FAM24B: variants seen among roughly 807,000 people sequenced by gnomAD.
The protein encoded by FAM24B is protein FAM24B.
FAM24B carries 3 observed loss-of-function variants against 2.3 expected under a neutral mutation model. That is an observed-to-expected ratio of 1.29 (90% CI 0.59 to 3.32). The LOEUF (loss-of-function observed/expected upper bound fraction) is 3.32. Among genes scored for constraint, FAM24B ranks in the 30% most tolerant of loss-of-function variants. The pLI, the probability that FAM24B is intolerant of heterozygous loss-of-function variation, is 0.03. For synonymous variants in FAM24B, 36 were observed against 46.3 expected, an observed-to-expected ratio of 0.78 and a Z score of 0.90; for missense variants, 98 against 117.2, an observed-to-expected ratio of 0.84 and a Z score of 0.76.
At chr10:122,878,781 T>A (rs779322960) in intron 1 of FAM24B, among the ~76,000 whole-genome samples, 1 of 150,878 alleles carries the variant, frequency 6.6e-6, no homozygotes, top group South Asian at 2.1e-4. Context: ...TGGGTGATAA[T>A]ACTGAACATA....
intron 1 of FAM24B, among the ~76,000 whole-genome samples, chr10:122,869,572 A>G (rs570896764): frequency 2.5e-4 from 38 of 152,326 alleles, no homozygotes; most frequent in African/African-American, 8.9e-4. Context: ...AACAGAAATT[A>G]TAACAAACTG....
intron 2 of FAM24B, among the ~76,000 whole-genome samples, chr10:122,851,355 C>A (rs1157427518): frequency 1.3e-5 from 2 of 152,338 alleles, no homozygotes; most frequent in African/African-American, 4.8e-5. Flanking sequence ...AAAGAAAATT[C>A]TAATGATTAA....
chr10:122,871,145 GACAA>G (rs1428822575), intron 1 of FAM24B, among the ~76,000 whole-genome samples: 1 of 151,802 alleles, frequency 6.6e-6, no homozygotes, highest in Non-Finnish European at 1.5e-5. Context: ...ACCAACAACA[GACAA>G]ACAGAGAGCC....
intron 1 of FAM24B, among the ~76,000 whole-genome samples, 180 bp from the exon 2 acceptor site, chr10:122,855,966 C>T (rs966745140): frequency 1.3e-5 from 2 of 152,248 alleles, no homozygotes; most frequent in Non-Finnish European, 2.9e-5. Context: ...GCAGCGCTGA[C>T]GCACAGAGCC....
At chr10:122,857,645 T>C (rs1286438444) in intron 1 of FAM24B, among the ~76,000 whole-genome samples, 1 of 152,224 alleles carries the variant, frequency 6.6e-6, no homozygotes, top group African/African-American at 2.4e-5. Flanking sequence ...TGTGTATTTA[T>C]GGTACTTATG....
intron 2 of FAM24B, 190 bp from the exon 3 acceptor site, chr10:122,850,740 A>G (rs1847520026): frequency 2.0e-6 from 1 of 492,510 alleles, no homozygotes; most frequent in Admixed American, 3.3e-5. Flanking sequence ...AAAGAAATAA[A>G]AAAAGTCAGT....
At chr10:122,858,800 T>G (rs1847681880) in intron 1 of FAM24B, among the ~76,000 whole-genome samples, 1 of 152,082 alleles carries the variant, frequency 6.6e-6, no homozygotes, top group Admixed American at 6.6e-5. Context: ...AAGTACCCCT[T>G]GGGCTGGTGC....
chr10:122,866,283 T>C (rs1025227887), intron 1 of FAM24B, among the ~76,000 whole-genome samples: 4 of 152,142 alleles, frequency 2.6e-5, no homozygotes, highest in Non-Finnish European at 5.9e-5. Flanking sequence ...TTGTGTCTTT[T>C]TTAGTCTGAC....
chr10:122,869,100 A>C (rs1344690398), intron 1 of FAM24B, among the ~76,000 whole-genome samples: 3 of 152,232 alleles, frequency 2.0e-5, no homozygotes, highest in Non-Finnish European at 2.9e-5. Flanking sequence ...TCTACCAAGC[A>C]AATGGAAAAC....
chr10:122,870,402 T>C lies in FAM24B; in HGVS notation c.-178+9083A>G, dbSNP rs371077853. Among the ~76,000 whole-genome samples the C allele has an allele frequency of 2.3e-4, 35 of 152,122 alleles. 1 individual carries two copies. The highest frequency in any genetic ancestry group is 1.4e-3 in the East Asian group (7 of 5,180). Reference sequence around the variant, plus strand: ...TTCCTTCTGAAACTATTCCAATCAATAGAAAAAGAGGGAATCCTCCCTAAC... The same window carrying C: ...TTCCTTCTGAAACTATTCCAATCAACAGAAAAAGAGGGAATCCTCCCTAAC... On this transcript the variant is annotated intron_variant, in intron 1 of 3. Coordinates refer to ENST00000368898, the MANE Select transcript of FAM24B (RefSeq NM_152644.3).
rs760832763 is a variant in FAM24B, at chr10:122,850,489, C to T, written c.27G>A (p.Leu9=). 10 of 1,613,844 alleles carry T rather than the reference C, an allele frequency of 6.2e-6. No individual in the cohort carries two copies. The South Asian group carries it at 1.1e-4, about 18-fold the overall frequency. MPVIAGGI[L]AALLLLIVVV... The stretch of plus-strand genomic sequence containing the variant: ...CAACTATCAGCAGGAGCAAGGCCGC[C>T]AGGATACCACCAGCGATGACAGGCA... Residue 9 remains leucine (L), a synonymous_variant, in exon 3 of 4, where the codon CTG becomes CTA. Coordinates refer to ENST00000368898, the MANE Select transcript of FAM24B (RefSeq NM_152644.3).
intron 1 of FAM24B, among the ~76,000 whole-genome samples, chr10:122,877,665 G>C (rs1232575077): frequency 6.6e-6 from 1 of 152,164 alleles, no homozygotes; most frequent in East Asian, 1.9e-4. Flanking sequence ...GTTGAGTTTG[G>C]GGGAAGGCCT....
intron 1 of FAM24B, among the ~76,000 whole-genome samples, chr10:122,868,515 G>A (rs1211152966): frequency 5.3e-5 from 8 of 151,196 alleles, no homozygotes; most frequent in Admixed American, 4.0e-4. Context: ...AGGAAAAAAT[G>A]TTAAGGGCAG....
chr10:122,862,744 G>A (rs1160134227), intron 1 of FAM24B, among the ~76,000 whole-genome samples: 1 of 151,964 alleles, frequency 6.6e-6, no homozygotes, highest in African/African-American at 2.4e-5. Flanking sequence ...ATATAACAAT[G>A]TTCCTTCTGC....
At position 122,859,262 on chromosome 10, in the gene FAM24B, T is replaced by G. The variant is rs116615736; in HGVS notation, c.-177-3476A>C. On this transcript the variant is annotated intron_variant, in intron 1 of 3. Transcript: ENST00000368898. ...ACACGTTGGATGACTGCGATGTGAGTTGTGGGATAATCTGTTGCTAAGGAG... is the reference window on the plus strand; with the variant it reads ...ACACGTTGGATGACTGCGATGTGAGGTGTGGGATAATCTGTTGCTAAGGAG... Among the ~76,000 whole-genome samples the G allele has an allele frequency of 8.1e-3, 1,233 of 152,244 alleles. 21 individuals carry two copies. The highest frequency in any genetic ancestry group is 0.028 in the African/African-American group (1,178 of 41,548).
chr10:122,871,535 T>C (rs1458805712), intron 1 of FAM24B, among the ~76,000 whole-genome samples: 1 of 151,396 alleles, frequency 6.6e-6, no homozygotes, highest in Non-Finnish European at 1.5e-5. Context: ...GACTTCAAAC[T>C]ATACTACAGG....
intron 1 of FAM24B, among the ~76,000 whole-genome samples, chr10:122,870,157 C>A (rs533332913): frequency 9.7e-4 from 147 of 152,266 alleles, no homozygotes; most frequent in African/African-American, 3.2e-3. Context: ...ACTATAAACA[C>A]CTCTATGCAA....
chr10:122,857,326 C>G (rs1200648339), intron 1 of FAM24B, among the ~76,000 whole-genome samples: 2 of 152,172 alleles, frequency 1.3e-5, no homozygotes, highest in African/African-American at 4.8e-5. Flanking sequence ...CATGGGGGAG[C>G]TGGAATCTTG....
At chr10:122,873,079 C>G (rs1266044964) in intron 1 of FAM24B, among the ~76,000 whole-genome samples, 1 of 152,114 alleles carries the variant, frequency 6.6e-6, no homozygotes, top group Non-Finnish European at 1.5e-5. Context: ...AGAAGCTGCT[C>G]TAGCTAGGAT....
Sources: gnomAD v4.1 joint callset for allele counts (sites outside exome capture counted in the v4.1 genomes callset) on GRCh38, gnomAD v4.1.1 for gene constraint, MANE v1.5 for transcripts, NCBI Gene and HGNC (gene_info 2026-07-23, HGNC 2026-07-21) for gene names.